PKHD1: variants seen among roughly 807,000 people sequenced by gnomAD.
The protein encoded by PKHD1 is PKHD1 ciliary IPT domain containing fibrocystin/polyductin, also known as fibrocystin.
A neutral mutation model predicts 412.0 loss-of-function variants in PKHD1; 291 were observed. The ratio of observed to expected loss-of-function variants is 0.71; its 90% CI spans 0.64 to 0.78. The LOEUF (loss-of-function observed/expected upper bound fraction) is 0.78. Ranked by LOEUF, PKHD1 falls within the 30% of genes least tolerant of loss-of-function variation. The pLI, the probability that PKHD1 is intolerant of heterozygous loss-of-function variation, is 0.00. For synonymous variants in PKHD1, 1,777 were observed against 1,821.5 expected (o/e 0.98, Z 0.62); for missense variants, 4,825 against 4,950.7 (o/e 0.97, Z 0.76).
chr6:51,885,747 C>A, intron 45 of PKHD1, 120 bp downstream of exon 45: 2 of 736,368 alleles, frequency 2.7e-6, no homozygotes, highest in Non-Finnish European at 2.5e-6. Context: ...CAGCAATGCT[C>A]CCCTCAAGGG....
At chr6:51,959,307 G>A (rs80325624) in intron 36 of PKHD1, among the ~76,000 whole-genome samples, 11 of 152,120 alleles carry the variant, frequency 7.2e-5, no homozygotes, top group Non-Finnish European at 1.3e-4. Flanking sequence ...TGCACAAAGA[G>A]GTGAAATAAC....
intron 60 of PKHD1, among the ~76,000 whole-genome samples, chr6:51,662,266 T>C (rs1425199474): frequency 6.6e-6 from 1 of 151,846 alleles, no homozygotes; most frequent in Non-Finnish European, 1.5e-5. Context: ...GACAGCATGG[T>C]GATTGCAGTT....
chr6:51,778,150 C>G (rs1396941974), intron 53 of PKHD1, among the ~76,000 whole-genome samples: 1 of 152,072 alleles, frequency 6.6e-6, no homozygotes, highest in African/African-American at 2.4e-5. Context: ...GTGAGGTGCT[C>G]TCTCCAGCGT....
chr6:52,007,351 AC>A (rs1799216793), intron 35 of PKHD1, among the ~76,000 whole-genome samples: 1 of 152,208 alleles, frequency 6.6e-6, no homozygotes, highest in Non-Finnish European at 1.5e-5. Flanking sequence ...AGGTTCCCAC[AC>A]AAGGAATTCT....
intron 32 of PKHD1, among the ~76,000 whole-genome samples, chr6:52,023,151 T>A (rs1801653458): frequency 6.6e-6 from 1 of 152,180 alleles, no homozygotes; most frequent in African/African-American, 2.4e-5. Context: ...TTCAATATCC[T>A]ATTGTGTTAA....
At chr6:51,631,897 G>A (rs1192602475) in intron 65 of PKHD1, among the ~76,000 whole-genome samples, 1 of 149,782 alleles carries the variant, frequency 6.7e-6, no homozygotes, top group Non-Finnish European at 1.5e-5. Context: ...TTTTAAAGGA[G>A]AAGAGGAGAG....
chr6:51,665,523 T>C (rs1198919536), intron 60 of PKHD1, among the ~76,000 whole-genome samples: 2 of 152,224 alleles, frequency 1.3e-5, no homozygotes, highest in Non-Finnish European at 2.9e-5. Context: ...TCAGCAAGAA[T>C]TTTTACCTTA....
intron 35 of PKHD1, among the ~76,000 whole-genome samples, chr6:52,008,020 G>A (rs189042372): frequency 1.7e-4 from 26 of 152,280 alleles, no homozygotes; most frequent in Admixed American, 5.9e-4. Context: ...CCAATAGACT[G>A]TTCGAAACTA....
At chr6:52,058,631 T>A (rs768171894) in intron 15 of PKHD1, 30 bp from the exon 16 acceptor site, 3 of 1,608,584 alleles carry the variant, frequency 1.9e-6, no homozygotes, top group Non-Finnish European at 2.5e-6. Flanking sequence ...TCATGATCAA[T>A]ACTATGCAGC....
chr6:51,852,231 T>C (rs543407304), intron 49 of PKHD1, among the ~76,000 whole-genome samples: 75 of 152,344 alleles, frequency 4.9e-4, no homozygotes, highest in African/African-American at 1.7e-3. Flanking sequence ...TTCTTAATCC[T>C]GAGTTATAAT....
chr6:52,017,390 G>A lies in PKHD1; in HGVS notation c.5600+20C>T. ...CCAAGCATTTGTGGGGAAGTTCAGG[G>A]AGGGAGAAGGTAAAGTTACCTGATA... is the stretch of plus-strand genomic sequence containing the variant. On this transcript the variant is annotated intron_variant, in intron 34 of 66. Coordinates refer to ENST00000371117, the MANE Select transcript of PKHD1 (RefSeq NM_138694.4). 1 of 1,528,276 alleles carries A rather than the reference G, an allele frequency of 6.5e-7. No individual in the cohort carries two copies. The highest frequency in any genetic ancestry group is 2.2e-5 in the East Asian group (1 of 44,458). The allele number at this position is 1,528,276 out of a possible 1,614,324, so 94.7% of individuals were successfully genotyped here.
At chr6:51,645,246 A>C (rs1243292441) in intron 63 of PKHD1, among the ~76,000 whole-genome samples, 21 of 152,204 alleles carry the variant, frequency 1.4e-4, no homozygotes, top group Non-Finnish European at 2.9e-4. Context: ...TTTCCTACTT[A>C]TTCCCCTATT....
chr6:52,008,081 A>G (rs1397869699), intron 35 of PKHD1, among the ~76,000 whole-genome samples: 1 of 152,064 alleles, frequency 6.6e-6, no homozygotes, highest in Admixed American at 6.5e-5. Context: ...GAAACCTACA[A>G]TGATGGTACC....
chr6:51,820,827 C>T (rs1176635363), intron 52 of PKHD1, among the ~76,000 whole-genome samples: 2 of 152,160 alleles, frequency 1.3e-5, no homozygotes, highest in Non-Finnish European at 2.9e-5. Flanking sequence ...GAGGAAACTC[C>T]AAAAGCTCCC....
intron 60 of PKHD1, among the ~76,000 whole-genome samples, chr6:51,743,752 CG>C (rs955067926): frequency 6.6e-6 from 1 of 152,090 alleles, no homozygotes; most frequent in African/African-American, 2.4e-5. Context: ...TACATTTGAC[CG>C]GAGCAGGTTC....
At chr6:52,035,270 T>C (rs1408444541) in intron 28 of PKHD1, among the ~76,000 whole-genome samples, 1 of 152,218 alleles carries the variant, frequency 6.6e-6, no homozygotes, top group Non-Finnish European at 1.5e-5. Context: ...CTTTGAAATA[T>C]ATAAGCCTTG....
chr6:51,790,666 G>T (rs909473387), intron 53 of PKHD1, among the ~76,000 whole-genome samples: 1 of 152,150 alleles, frequency 6.6e-6, no homozygotes, highest in Non-Finnish European at 1.5e-5. Flanking sequence ...AGCAAACCAA[G>T]CATGCTTCTT....
chr6:51,853,221 G>A (rs563122939), intron 49 of PKHD1, among the ~76,000 whole-genome samples: 41 of 152,318 alleles, frequency 2.7e-4, no homozygotes, highest in African/African-American at 9.1e-4. Context: ...CTTTAAGAAT[G>A]TTGAATATTG....
chr6:51,837,628 C>T (rs990272719), intron 50 of PKHD1, among the ~76,000 whole-genome samples: 3 of 152,108 alleles, frequency 2.0e-5, no homozygotes, highest in African/African-American at 7.2e-5. Context: ...ATTGCTTGAA[C>T]CCTGCAGTGT....
Sources: gnomAD v4.1 joint callset for allele counts (sites outside exome capture counted in the v4.1 genomes callset) on GRCh38, gnomAD v4.1.1 for gene constraint, MANE v1.5 for transcripts, NCBI Gene and HGNC (gene_info 2026-07-23, HGNC 2026-07-21) for gene names.